Variants in FKBP15 observed in about 807,000 individuals in gnomAD.
FKBP15 encodes the protein FKBP prolyl isomerase family member 15.
Under a neutral mutation model 158.1 loss-of-function variants are expected in FKBP15, and 106 were observed. The ratio of observed to expected loss-of-function variants is 0.67; its 90% CI spans 0.57 to 0.79. The LOEUF (loss-of-function observed/expected upper bound fraction) is 0.79, where lower values mean the gene tolerates loss of function less well. Among genes scored for constraint, FKBP15 ranks in the 30% least tolerant of loss-of-function variants. FKBP15 has a pLI of 0.00. For synonymous variants in FKBP15, 547 were observed against 548.6 expected (o/e 1.00, Z 0.04); for missense variants, 1,287 against 1,479.1 (o/e 0.87, Z 2.13).
chr9:113,205,808 T>C (rs571923885), intron 4 of FKBP15, among the ~76,000 whole-genome samples: 5 of 152,310 alleles, frequency 3.3e-5, no homozygotes, highest in Admixed American at 1.3e-4. Flanking sequence ...AAATGTGGTA[T>C]ATACCTACAA....
At chr9:113,176,473 G>A (rs1830301418) in intron 21 of FKBP15, 64 bp downstream of exon 21, 2 of 1,498,964 alleles carry the variant, frequency 1.3e-6, no homozygotes, top group Admixed American at 2.2e-5. Flanking sequence ...ATTGTAATTT[G>A]TAAAAGGAAA....
At chr9:113,179,435 G>A (rs1009197728) in intron 19 of FKBP15, among the ~76,000 whole-genome samples, 7 of 152,110 alleles carry the variant, frequency 4.6e-5, no homozygotes, top group East Asian at 1.9e-4. Flanking sequence ...AGGCCGAAGC[G>A]GGCAGATCAC....
In FKBP15 at chr9:113,214,883, C is replaced by T. The variant is rs569328724; in HGVS notation, c.54-3291G>A. Among the ~76,000 whole-genome samples, 7 of 152,342 alleles carry T rather than the reference C, an allele frequency of 4.6e-5. No individual in the cohort carries two copies. In the East Asian group the frequency reaches 7.7e-4, roughly 17 times the overall value. On this transcript the variant is annotated intron_variant, in intron 1 of 27. Coordinates refer to ENST00000238256, the MANE Select transcript of FKBP15 (RefSeq NM_015258.2). ...ATCTAGCACTTTCATGCTATGAAGACGGCTTCTTTCCTTCAACCTCATGAA... is the reference window on the plus strand; with the variant it reads ...ATCTAGCACTTTCATGCTATGAAGATGGCTTCTTTCCTTCAACCTCATGAA...
chr9:113,193,862 C>A (rs1243975310), intron 10 of FKBP15, among the ~76,000 whole-genome samples, 165 bp downstream of exon 10: 1 of 152,076 alleles, frequency 6.6e-6, no homozygotes, highest in African/African-American at 2.4e-5. Flanking sequence ...AATATTAAAC[C>A]TTTGTCAGAA....
chr9:113,191,305 T>C (rs1208331332), intron 11 of FKBP15, among the ~76,000 whole-genome samples: 1 of 152,032 alleles, frequency 6.6e-6, no homozygotes, highest in Non-Finnish European at 1.5e-5. Context: ...CCCAAGTAGC[T>C]GGGACCACAG....
chr9:113,207,555 G>A (rs1054140718), intron 2 of FKBP15, among the ~76,000 whole-genome samples: 1 of 151,762 alleles, frequency 6.6e-6, no homozygotes, highest in Non-Finnish European at 1.5e-5. Flanking sequence ...GGACAGGCTG[G>A]TCTTGAACTC....
At chr9:113,214,334 T>C (rs1831076981) in intron 1 of FKBP15, among the ~76,000 whole-genome samples, 1 of 152,170 alleles carries the variant, frequency 6.6e-6, no homozygotes, top group Admixed American at 6.5e-5. Flanking sequence ...TGATCTGAGG[T>C]GCAGAATGGA....
At chr9:113,174,670 G>A in intron 21 of FKBP15, 87 bp from the exon 22 acceptor site, 2 of 1,369,204 alleles carry the variant, frequency 1.5e-6, no homozygotes, top group South Asian at 1.4e-5. Flanking sequence ...TTACCTTGTG[G>A]AATCCTTACT....
rs1213025652 is a variant in FKBP15, at chr9:113,165,379, T to C, written c.*699A>G. The C allele has an allele frequency of 6.6e-6, 1 of 152,198 alleles. No individual in the cohort carries two copies. The highest frequency in any genetic ancestry group is 6.5e-5 in the Admixed American group (1 of 15,282). 9.4% of individuals were successfully genotyped at this position (152,198 alleles called of 1,614,324 possible). On this transcript the variant is annotated 3_prime_UTR_variant, in exon 28 of 28. Transcript: ENST00000238256. ...TTTGAAAGCCTAAAAGTTCCAGGGT[T>C]AGGTATCAAAGGGAGTAAATATGCC...
Position 113,196,992 on chromosome 9 carries a change from C to T in FKBP15, c.804G>A (p.Gly268=), listed in dbSNP as rs971504685. The change falls in exon 9 of 28, where the codon GGG becomes GGA. Residue 268 remains glycine, a synonymous_variant. Coordinates refer to ENST00000238256, the MANE Select transcript of FKBP15 (RefSeq NM_015258.2). ...CCGTTGCTTGAGTCCAGCCTATTAC[C>T]CCTTCTGAGCCAACAGCACAGGCTG... ...VPPACAVGSE[G]VIGWTQATDS... 8.1e-6 allele frequency: 13 copies of T among 1,613,954 alleles called. No individual in the cohort carries two copies. In the Admixed American group the frequency reaches 2.2e-4, roughly 27 times the overall value.
At chr9:113,178,474 A>G (rs778846789) in intron 20 of FKBP15, among the ~76,000 whole-genome samples, 156 bp downstream of exon 20, 2 of 152,162 alleles carry the variant, frequency 1.3e-5, no homozygotes, top group Non-Finnish European at 2.9e-5. Context: ...CTTCTGTAAA[A>G]CAATCATGTA....
Position 113,203,051 on chromosome 9 carries a change from G to T in FKBP15, c.325-16C>A. On this transcript the variant is annotated splice_polypyrimidine_tract_variant and intron_variant, in intron 4 of 27. Transcript: ENST00000238256. ...GAATCCTATACTGTAGACAAGCAACGACAGATAGAAAAAAAAAAAGAGAGA... is the reference window on the plus strand; with the variant it reads ...GAATCCTATACTGTAGACAAGCAACTACAGATAGAAAAAAAAAAAGAGAGA... 1 of 1,526,010 alleles carries T rather than the reference G, an allele frequency of 6.6e-7. No homozygotes were observed. The allele number at this position is 1,526,010 out of a possible 1,614,324, so 94.5% of individuals were successfully genotyped here.
Position 113,174,535 on chromosome 9 carries a change from C to T in FKBP15, c.2272G>A (p.Glu758Lys), listed in dbSNP as rs373758414. Residue 758 changes from glutamate to lysine, a missense_variant, in exon 22 of 28, where the codon GAG (glutamate) becomes AAG (lysine). Transcript: ENST00000238256. ...TTGCGAATTTCATCTATCTCCTCCT[C>T]GGCCTGAGAACGCTCTTGAGCTGAC... ...KKSAQERSQA[E>K]EEIDEIRKSY... 3.7e-6 allele frequency: 6 copies of T among 1,613,994 alleles called. No individual in the cohort carries two copies. In the Admixed American group the frequency reaches 5.0e-5, roughly 13 times the overall value.
At chr9:113,167,880 T>A (rs935708106) in intron 27 of FKBP15, among the ~76,000 whole-genome samples, 1 of 116,172 alleles carries the variant, frequency 8.6e-6, no homozygotes, top group Non-Finnish European at 2.0e-5. Context: ...AGCTATGCTA[T>A]TAATACTGAA....
At chr9:113,177,193 C>T (rs1434996720) in intron 20 of FKBP15, among the ~76,000 whole-genome samples, 2 of 152,188 alleles carry the variant, frequency 1.3e-5, no homozygotes, top group Non-Finnish European at 1.5e-5. Context: ...CATCTTAACA[C>T]ACTGGACCAA....
chr9:113,187,284 GAAGA>G (rs1339488078), intron 14 of FKBP15: 1 of 159,730 alleles, frequency 6.3e-6, no homozygotes, highest in Non-Finnish European at 1.4e-5. Flanking sequence ...TGTTGAGGCA[GAAGA>G]AAGGGTCTGC....
At chr9:113,204,207 A>G (rs2118933445) in intron 4 of FKBP15, among the ~76,000 whole-genome samples, 1 of 152,294 alleles carries the variant, frequency 6.6e-6, no homozygotes, top group African/African-American at 2.4e-5. Flanking sequence ...CCTCCCAAGT[A>G]GCTGGGATTA....
intron 1 of FKBP15, among the ~76,000 whole-genome samples, chr9:113,213,731 G>GT (rs1831063792): frequency 6.6e-6 from 1 of 152,192 alleles, no homozygotes; most frequent in African/African-American, 2.4e-5. Context: ...TTCCTACCAA[G>GT]AAGAAGACCT....
Position 113,187,990 on chromosome 9 carries a change from C to A in FKBP15, c.1277-91G>T, listed in dbSNP as rs1456738935. ...ACCTTACATACTATCATGCTTCAGACTCAACTATTTTCCTTGCCTAGTCTC... is the reference window on the plus strand; with the variant it reads ...ACCTTACATACTATCATGCTTCAGAATCAACTATTTTCCTTGCCTAGTCTC... On this transcript the variant is annotated intron_variant, in intron 13 of 27. Coordinates refer to ENST00000238256, the MANE Select transcript of FKBP15 (RefSeq NM_015258.2). 3 of 944,620 alleles carry A rather than the reference C, an allele frequency of 3.2e-6. No homozygotes were observed. In the Admixed American group the frequency reaches 6.7e-5, roughly 21 times the overall value. The allele number at this position is 944,620 out of a possible 1,614,324, so 58.5% of individuals were successfully genotyped here.
Sources: allele counts gnomAD v4.1 joint callset (sites outside exome capture counted in the v4.1 genomes callset), GRCh38; gene constraint gnomAD v4.1.1; transcripts MANE v1.5; gene names NCBI Gene and HGNC (gene_info 2026-07-23, HGNC 2026-07-21).